PRIM2: variants seen among roughly 807,000 people sequenced by gnomAD.
The protein encoded by PRIM2 is DNA primase subunit 2, also known as DNA primase large subunit.
PRIM2 carries 39 observed loss-of-function variants against 67.3 expected under a neutral mutation model. The ratio of observed to expected loss-of-function variants is 0.58; its 90% CI spans 0.45 to 0.76. The LOEUF (loss-of-function observed/expected upper bound fraction) is 0.76. PRIM2 is among the 30% of genes least tolerant of loss of function. The pLI is 0.00. For missense variants in PRIM2, 398 were observed against 598.7 expected (o/e 0.66, Z 3.50); for synonymous variants, 143 against 198.7 (o/e 0.72, Z 2.36).
At chr6:57,423,647 T>G (rs1771531217) in intron 7 of PRIM2, among the ~76,000 whole-genome samples, 1 of 152,170 alleles carries the variant, frequency 6.6e-6, no homozygotes, top group African/African-American at 2.4e-5. Context: ...TAAATCCCCT[T>G]GAGGAATTTA....
At chr6:57,272,478 G>A in the PRIM2 span, among the ~76,000 whole-genome samples, 1 of 152,046 alleles carries the variant, frequency 6.6e-6, no homozygotes, top group Non-Finnish European at 1.5e-5. Context: ...CCATTTGCTT[G>A]GTAGATATTC....
intron 12 of PRIM2, among the ~76,000 whole-genome samples, chr6:57,628,982 GT>G (rs1286812995): frequency 6.6e-6 from 1 of 152,086 alleles, no homozygotes; most frequent in Non-Finnish European, 1.5e-5. Context: ...GAATTTTAGT[GT>G]CTTGGTCATA....
At chr6:57,356,040 A>C (rs1769019301) in intron 5 of PRIM2, among the ~76,000 whole-genome samples, 1 of 152,204 alleles carries the variant, frequency 6.6e-6, no homozygotes. Context: ...AGGATAGGGC[A>C]TCTGAGGTAT....
At chr6:57,517,606 A>G (rs1412493799) in intron 8 of PRIM2, among the ~76,000 whole-genome samples, 1 of 152,180 alleles carries the variant, frequency 6.6e-6, no homozygotes, top group African/African-American at 2.4e-5. Context: ...GTGTAGTTCC[A>G]TATTGTATTT....
chr6:57,644,254 ACATTCC>A (rs1777295509), intron 13 of PRIM2, among the ~76,000 whole-genome samples: 1 of 151,836 alleles, frequency 6.6e-6, no homozygotes, highest in African/African-American at 2.4e-5. Flanking sequence ...CTTTCCCAGG[ACATTCC>A]CTCTTTACCT....
intron 7 of PRIM2, among the ~76,000 whole-genome samples, chr6:57,448,491 C>T (rs1013521613): frequency 2.0e-5 from 3 of 152,056 alleles, no homozygotes; most frequent in Admixed American, 6.6e-5. Flanking sequence ...CTCAAGAGGT[C>T]CTAAGAAAGT....
At chr6:57,229,465 T>C in the PRIM2 span, among the ~76,000 whole-genome samples, 1 of 150,590 alleles carries the variant, frequency 6.6e-6, no homozygotes, top group Non-Finnish European at 1.5e-5. Context: ...AATCTTTTTT[T>C]GCATTACTTT....
At chr6:57,568,813 C>T (rs1371413278) in intron 10 of PRIM2, among the ~76,000 whole-genome samples, 4 of 152,202 alleles carry the variant, frequency 2.6e-5, no homozygotes, top group African/African-American at 9.7e-5. Flanking sequence ...AAAGCCTGAG[C>T]ATTAGAAAGA....
chr6:57,599,763 C>T (rs2127491056), intron 10 of PRIM2, among the ~76,000 whole-genome samples: 1 of 152,344 alleles, frequency 6.6e-6, no homozygotes, highest in African/African-American at 2.4e-5. Context: ...GGAAGGCTAT[C>T]AACCCGTTAT....
At chr6:57,346,508 C>T (rs559943951) in intron 5 of PRIM2, among the ~76,000 whole-genome samples, 73 of 152,092 alleles carry the variant, frequency 4.8e-4, no homozygotes, top group African/African-American at 1.3e-3. Flanking sequence ...TTGGTAGAGA[C>T]GGGGTTTCAC....
chr6:57,246,715 G>A, the PRIM2 span, among the ~76,000 whole-genome samples: 1 of 152,288 alleles, frequency 6.6e-6, no homozygotes, highest in East Asian at 1.9e-4. Context: ...CCAGCCCACC[G>A]TTGCAAGGAG....
chr6:57,255,906 G>A, the PRIM2 span, among the ~76,000 whole-genome samples: 1 of 152,132 alleles, frequency 6.6e-6, no homozygotes, highest in Non-Finnish European at 1.5e-5. Flanking sequence ...AATGAATTAT[G>A]TCTCCTCTAG....
At chr6:57,447,681 A>T (rs569713247) in intron 7 of PRIM2, among the ~76,000 whole-genome samples, 5 of 152,216 alleles carry the variant, frequency 3.3e-5, no homozygotes, top group African/African-American at 1.2e-4. Flanking sequence ...GTAAATTTGT[A>T]TACTGGGAAT....
chr6:57,394,160 A>G (rs1349520556), intron 7 of PRIM2, among the ~76,000 whole-genome samples: 1 of 152,120 alleles, frequency 6.6e-6, no homozygotes. Flanking sequence ...TTTTGGTTCC[A>G]TATGAATTTT....
intron 10 of PRIM2, among the ~76,000 whole-genome samples, chr6:57,561,236 G>GGT (rs1279182218): frequency 3.3e-5 from 5 of 151,582 alleles, no homozygotes; most frequent in African/African-American, 7.3e-5. Flanking sequence ...AACTTTTTTT[G>GGT]GTGTGTGTGT....
chr6:57,592,320 A>T (rs1355007485), intron 10 of PRIM2, among the ~76,000 whole-genome samples: 1 of 152,218 alleles, frequency 6.6e-6, no homozygotes. Flanking sequence ...AAAATTAAAA[A>T]TTTTTAAATG....
At chr6:57,369,355 A>G (rs1489232822) in intron 5 of PRIM2, among the ~76,000 whole-genome samples, 5 of 152,200 alleles carry the variant, frequency 3.3e-5, no homozygotes, top group Non-Finnish European at 7.3e-5. Flanking sequence ...AAACAACATA[A>G]TTTTGGAATA....
chr6:57,626,885 C>A lies in PRIM2; in HGVS notation c.1231-5248C>A, dbSNP rs1376175693. ...AAGCAATCCACCTGCCCTGGCCTCCCAAAGTGCTGGGATTACAGGTGTGAG... is the reference window on the plus strand; with the variant it reads ...AAGCAATCCACCTGCCCTGGCCTCCAAAAGTGCTGGGATTACAGGTGTGAG... On this transcript the variant is annotated intron_variant, in intron 12 of 13. Transcript: ENST00000615550. 7.6e-4 allele frequency among the ~76,000 whole-genome samples: 116 copies of A among 152,144 alleles called. 2 individuals are homozygous for A. The East Asian group carries it at 0.019, about 25-fold the overall frequency.
intron 5 of PRIM2, among the ~76,000 whole-genome samples, chr6:57,335,336 A>T (rs1227771047): frequency 6.6e-6 from 1 of 152,276 alleles, no homozygotes; most frequent in Non-Finnish European, 1.5e-5. Flanking sequence ...GCAGCCAGGA[A>T]GCTGGAACTG....
Sources: allele counts gnomAD v4.1 joint callset (sites outside exome capture counted in the v4.1 genomes callset), GRCh38; gene constraint gnomAD v4.1.1; transcripts MANE v1.5; gene names NCBI Gene and HGNC (gene_info 2026-07-23, HGNC 2026-07-21).